Variants in DARS1 observed in about 807,000 individuals in gnomAD.
DARS1 encodes aspartate--tRNA ligase, cytoplasmic.
DARS1 carries 51 observed loss-of-function variants against 68.8 expected under a neutral mutation model. The ratio of observed to expected loss-of-function variants is 0.74; its 90% CI spans 0.59 to 0.94. The LOEUF (loss-of-function observed/expected upper bound fraction) is 0.94. DARS1 is among the 40% of genes least tolerant of loss of function. DARS1 has a pLI of 0.00. For missense variants in DARS1, 607 were observed against 597.3 expected, an observed-to-expected ratio of 1.02 and a Z score of -0.17; for synonymous variants, 203 against 190.4, an observed-to-expected ratio of 1.07 and a Z score of -0.55.
chr2:135,962,706 G>A (rs1682126831), intron 3 of DARS1, among the ~76,000 whole-genome samples: 1 of 152,094 alleles, frequency 6.6e-6, no homozygotes, highest in Non-Finnish European at 1.5e-5. Context: ...TTGCTTTGGA[G>A]GATGATCCAG....
chr2:135,911,255 T>C (rs1250753267), intron 14 of DARS1, 45 bp from the exon 15 acceptor site: 2 of 1,034,972 alleles, frequency 1.9e-6, no homozygotes, highest in Non-Finnish European at 3.0e-6. Flanking sequence ...ATCTTATTTA[T>C]CTTAAAAGGT....
chr2:135,971,961 T>G (rs915821048), intron 3 of DARS1, among the ~76,000 whole-genome samples: 1 of 152,124 alleles, frequency 6.6e-6, no homozygotes, highest in South Asian at 2.1e-4. Context: ...TGGAAAGATA[T>G]TCCATGTTCA....
At position 135,956,578 on chromosome 2, in the gene DARS1, C is replaced by CA. The variant is rs769415324; in HGVS notation, c.320+4817_320+4818insT. Among the ~76,000 whole-genome samples, 5 of 152,116 alleles carry CA rather than the reference C, an allele frequency of 3.3e-5. No homozygotes were observed. The South Asian group carries it at 1.0e-3, about 32-fold the overall frequency. On this transcript the variant is annotated intron_variant, in intron 4 of 15. Transcript: ENST00000264161. The stretch of plus-strand genomic sequence containing the variant: ...AGGCATAAACATGAAGTAAAAAAGT[C>CA]GAGGCTTACCGGAGCAGAAAGTTCT...
intron 3 of DARS1, among the ~76,000 whole-genome samples, chr2:135,978,087 G>C (rs1575409203): frequency 7.3e-6 from 1 of 137,182 alleles, no homozygotes; most frequent in Admixed American, 8.2e-5. Flanking sequence ...AGATTGCAGT[G>C]AGCCGAGATC....
intron 2 of DARS1, among the ~76,000 whole-genome samples, chr2:135,980,157 G>A (rs986987969): frequency 6.6e-6 from 1 of 152,148 alleles, no homozygotes; most frequent in Non-Finnish European, 1.5e-5. Context: ...GGCTGTAAGT[G>A]AGCCCCAACT....
rs914923366 is a variant in DARS1 at position 135,906,758 on chromosome 2, C to T, written c.*558G>A. The T allele has an allele frequency of 6.6e-6, 1 of 152,124 alleles. No homozygotes were observed. Among genetic ancestry groups the T allele is most frequent in the Non-Finnish European group, 1.5e-5 (1 of 68,036 alleles). 9.4% of individuals were successfully genotyped at this position (152,124 alleles called of 1,614,324 possible). Reference sequence around the variant, plus strand: ...CAATATTACACTGAATACTTTCTAACCAGTAGTTTAGCTTTACATAATTTC... The same window carrying T: ...CAATATTACACTGAATACTTTCTAATCAGTAGTTTAGCTTTACATAATTTC... On this transcript the variant is annotated 3_prime_UTR_variant, in exon 16 of 16. Transcript: ENST00000264161.
chr2:135,980,327 C>T (rs1461512013), intron 2 of DARS1: 1 of 152,178 alleles, frequency 6.6e-6, no homozygotes, highest in Non-Finnish European at 1.5e-5. Context: ...TAGAGAAAAA[C>T]ATTTAAGTAT....
chr2:135,969,229 T>C (rs1462413698), intron 3 of DARS1, among the ~76,000 whole-genome samples: 3 of 152,144 alleles, frequency 2.0e-5, no homozygotes. Context: ...CTGTTAATTA[T>C]TTTAAAAAGT....
At chr2:135,982,161 A>G (rs981767525) in intron 2 of DARS1, among the ~76,000 whole-genome samples, 2 of 152,208 alleles carry the variant, frequency 1.3e-5, no homozygotes, top group Non-Finnish European at 2.9e-5. Context: ...GTGTCTACCA[A>G]AAGAAAAATT....
At chr2:135,942,996 T>G (rs1448762452) in intron 5 of DARS1, among the ~76,000 whole-genome samples, 18 of 152,130 alleles carry the variant, frequency 1.2e-4, no homozygotes. Flanking sequence ...TTGAAAAGTG[T>G]CTGTTCTTAG....
chr2:135,930,493 A>C (rs1465165737), intron 7 of DARS1, among the ~76,000 whole-genome samples: 1 of 152,178 alleles, frequency 6.6e-6, no homozygotes, highest in Non-Finnish European at 1.5e-5. Flanking sequence ...TGGCAACCCA[A>C]GGGAGGGCAT....
intron 15 of DARS1, chr2:135,910,838 C>T: frequency 4.0e-6 from 1 of 248,144 alleles, no homozygotes; most frequent in Admixed American, 5.2e-5. Flanking sequence ...CACTTAGCAG[C>T]TCTTTGAGCT....
At chr2:135,974,818 A>T (rs1202958965) in intron 3 of DARS1, among the ~76,000 whole-genome samples, 3 of 152,214 alleles carry the variant, frequency 2.0e-5, no homozygotes, top group Admixed American at 2.0e-4. Context: ...ATGCAAACAG[A>T]CTTGGAGAAA....
At chr2:135,960,310 G>A (rs188317897) in intron 4 of DARS1, among the ~76,000 whole-genome samples, 5 of 152,244 alleles carry the variant, frequency 3.3e-5, no homozygotes, top group Non-Finnish European at 5.9e-5. Context: ...CCGAGTGCAG[G>A]TATTACTATG....
In DARS1 at chr2:135,907,050, A is replaced by G. The variant is rs113012086; in HGVS notation, c.*266T>C. ...TATGAATTTGTAACATAACCATATG[A>G]ATTTCTCAAGTTATTTCCTACTGAT... On this transcript the variant is annotated 3_prime_UTR_variant, in exon 16 of 16. Transcript: ENST00000264161. The G allele has an allele frequency of 6.4e-3, 1,486 of 232,430 alleles. 18 individuals carry two copies. Among genetic ancestry groups the G allele is most frequent in the African/African-American group, 0.028 (1,209 of 43,722 alleles). 14.4% of individuals were successfully genotyped at this position (232,430 alleles called of 1,614,324 possible).
intron 7 of DARS1, 61 bp downstream of exon 7, chr2:135,932,722 G>T: frequency 1.2e-6 from 1 of 819,970 alleles, no homozygotes; most frequent in Non-Finnish European, 2.1e-6. Flanking sequence ...GACAGGTATG[G>T]TATCCCTGCC....
intron 7 of DARS1, among the ~76,000 whole-genome samples, chr2:135,930,185 A>C (rs563120223): frequency 6.6e-6 from 1 of 152,348 alleles, no homozygotes; most frequent in East Asian, 1.9e-4. Flanking sequence ...AGTGAACTAT[A>C]AAATATATGC....
At chr2:135,983,587 A>G in intron 1 of DARS1, 133 bp from the exon 2 acceptor site, 2 of 533,312 alleles carry the variant, frequency 3.8e-6, no homozygotes, top group South Asian at 5.5e-5. Context: ...GAAAGTCAGT[A>G]GTTTCATAAT....
chr2:135,964,090 G>T lies in DARS1; in HGVS notation c.218-2592C>A, dbSNP rs542010795. Among the ~76,000 whole-genome samples, 29 of 152,250 alleles carry T rather than the reference G, an allele frequency of 1.9e-4. No homozygotes were observed. In the South Asian group the frequency reaches 6.0e-3, roughly 32 times the overall value. The stretch of plus-strand genomic sequence containing the variant: ...ATATACAAAAAGTATGCAGGGCGCT[G>T]GGAACACGAACGTAAGTATTTGTTA... On this transcript the variant is annotated intron_variant, in intron 3 of 15. Coordinates refer to ENST00000264161, the MANE Select transcript of DARS1 (RefSeq NM_001349.4).
Sources: allele counts gnomAD v4.1 joint callset (sites outside exome capture counted in the v4.1 genomes callset), GRCh38; gene constraint gnomAD v4.1.1; transcripts MANE v1.5; gene names NCBI Gene and HGNC (gene_info 2026-07-23, HGNC 2026-07-21).